Variants in NUP214 observed in about 807,000 individuals in gnomAD.
NUP214 encodes the protein nucleoporin 214.
In NUP214, 79 loss-of-function variants were observed where a neutral mutation model predicts 196.2. The ratio of observed to expected loss-of-function variants is 0.40; its 90% CI spans 0.34 to 0.49. The LOEUF (loss-of-function observed/expected upper bound fraction) is 0.49, where lower values mean the gene tolerates loss of function less well. NUP214 is among the 20% of genes least tolerant of loss of function. The probability of loss-of-function intolerance (pLI) is 0.58; values close to 1 mark genes in which losing one functional copy is unlikely to be tolerated. For synonymous variants in NUP214, 1,020 were observed against 990.5 expected (o/e 1.03, Z -0.56); for missense variants, 2,468 against 2,539.0 (o/e 0.97, Z 0.60).
At chr9:131,135,164 A>C in intron 8 of NUP214, 160 bp downstream of exon 8, 9 of 551,798 alleles carry the variant, frequency 1.6e-5, no homozygotes, top group Non-Finnish European at 1.9e-5. Flanking sequence ...ATTGTAGCTC[A>C]CAGAAGCCTG....
At chr9:131,130,308 T>A (rs1831509350) in intron 4 of NUP214, among the ~76,000 whole-genome samples, 2 of 151,830 alleles carry the variant, frequency 1.3e-5, no homozygotes, top group South Asian at 4.2e-4. Context: ...CATGCCCAGC[T>A]AATTTTTGTA....
At chr9:131,126,852 A>G (rs994746687) in intron 1 of NUP214, 1 of 152,168 alleles carries the variant, frequency 6.6e-6, no homozygotes, top group African/African-American at 2.4e-5. Context: ...GCTGTCCTAG[A>G]ATAGTGATTA....
chr9:131,218,738 C>T (rs999126458), intron 31 of NUP214, among the ~76,000 whole-genome samples: 3 of 152,128 alleles, frequency 2.0e-5, no homozygotes, highest in Admixed American at 2.0e-4. Flanking sequence ...CCTACTCAAA[C>T]CCTTGGGCAA....
rs773725168 is a variant in NUP214, at chr9:131,125,971, C to T, written c.45+222C>T. 34 of 584,288 alleles carry T rather than the reference C, an allele frequency of 5.8e-5. No individual in the cohort carries two copies. The highest frequency in any genetic ancestry group is 4.8e-5 in the Non-Finnish European group (16 of 333,476). The allele number at this position is 584,288 out of a possible 1,614,324, so 36.2% of individuals were successfully genotyped here. ...TCTCGTGCACGGCTGTTGAGTTACC[C>T]TAGCTACTTCCTGGGGCGGTCACAA... On this transcript the variant is annotated intron_variant, in intron 1 of 35. Transcript: ENST00000359428. This position sits in a 1 kb window ranked among gnomAD's most constrained non-coding sequence, Gnocchi z 4.1.
In NUP214 at chr9:131,150,680, T is replaced by C. The variant is rs1322133393; in HGVS notation, c.2192T>C (p.Val731Ala). ...KARTSKACFQ[V>A]GTSEEMKMLR... Reference sequence around the variant, plus strand: ...CGAACTTCCAAAGCCTGTTTCCAAGTGGGCACTTCTGAGGAGATGAAGATG... The same window carrying C: ...CGAACTTCCAAAGCCTGTTTCCAAGCGGGCACTTCTGAGGAGATGAAGATG... The change falls in exon 16 of 36, where the codon GTG becomes GCG. Residue 731 changes from valine to alanine, a missense_variant. By Grantham distance (64) the Val-to-Ala change is moderately conservative. Transcript: ENST00000359428. 3.1e-6 allele frequency: 5 copies of C among 1,614,092 alleles called. No individual in the cohort carries two copies. In the African/African-American group the frequency reaches 6.7e-5, roughly 22 times the overall value.
At chr9:131,195,081 T>G in intron 27 of NUP214, 152 bp from the exon 28 acceptor site, 23 of 592,496 alleles carry the variant, frequency 3.9e-5, no homozygotes, top group Middle Eastern at 4.3e-4. Flanking sequence ...TTACTGCTTC[T>G]GAGATAGGTG....
chr9:131,164,429 G>A, intron 21 of NUP214: 1 of 383,682 alleles, frequency 2.6e-6, no homozygotes, highest in Non-Finnish European at 4.7e-6. Context: ...TTATGGCACT[G>A]ATTCACAAGG....
In NUP214 at chr9:131,136,025, A is replaced by G. The variant is rs1831716798; in HGVS notation, c.1005+19A>G. 1 of 1,582,400 alleles carries G rather than the reference A, an allele frequency of 6.3e-7. No homozygotes were observed. The highest frequency in any genetic ancestry group is 1.7e-5 in the Admixed American group (1 of 59,198). On this transcript the variant is annotated intron_variant, in intron 9 of 35. Transcript: ENST00000359428. Reference sequence around the variant, plus strand: ...TGATCAGGTAAATCTCTTTTTTGTCACTTCTGTGGTGCTTTCTTTTTTAAA... The same window carrying G: ...TGATCAGGTAAATCTCTTTTTTGTCGCTTCTGTGGTGCTTTCTTTTTTAAA...
chr9:131,159,362 C>G, intron 17 of NUP214, 21 bp from the exon 18 acceptor site: 1 of 1,583,676 alleles, frequency 6.3e-7, no homozygotes, highest in Non-Finnish European at 8.6e-7. Flanking sequence ...AGTTATTTGC[C>G]TTTTAATTTT....
chr9:131,156,010 G>A (rs1832425337), intron 17 of NUP214, among the ~76,000 whole-genome samples: 2 of 151,904 alleles, frequency 1.3e-5, no homozygotes, highest in African/African-American at 2.4e-5. Context: ...TTCTAGTTCT[G>A]TGAAGAATGA....
intron 34 of NUP214, among the ~76,000 whole-genome samples, chr9:131,231,787 G>A (rs926122172): frequency 2.0e-5 from 3 of 151,502 alleles, no homozygotes; most frequent in African/African-American, 7.3e-5. Flanking sequence ...TACCCGTGAA[G>A]AAACAGAAAC....
intron 21 of NUP214, among the ~76,000 whole-genome samples, chr9:131,171,707 C>G (rs1173438044): frequency 1.2e-4 from 19 of 152,106 alleles, no homozygotes; most frequent in Admixed American, 1.2e-3. Context: ...TCCCTCCTCC[C>G]CGCACCCCAC....
chr9:131,198,912 T>G lies in NUP214; in HGVS notation c.5418T>G (p.Phe1806Leu). ...GLFGQSNAPA[F>L]GQSPGFGQGG... ...TTGGCCAAAGCAACGCTCCTGCTTT[T>G]GGGCAGAGTCCTGGCTTTGGACAGG... The change falls in exon 29 of 36, where the codon TTT becomes TTG. Residue 1806 changes from phenylalanine (F) to leucine (L), a missense_variant. Physicochemically the swap from Phe to Leu is conservative, Grantham distance 22 (BLOSUM62 0). Transcript: ENST00000359428. The G allele has an allele frequency of 6.2e-7, 1 of 1,614,182 alleles. No homozygotes were observed. The highest frequency in any genetic ancestry group is 2.2e-5 in the East Asian group (1 of 44,892).
intron 9 of NUP214, among the ~76,000 whole-genome samples, chr9:131,137,637 G>A (rs1477625203): frequency 2.2e-5 from 3 of 136,874 alleles, no homozygotes; most frequent in Admixed American, 8.3e-5. Flanking sequence ...TGCAACCTCC[G>A]CCTCCCTGGT....
chr9:131,154,164 A>G (rs1236940236), intron 17 of NUP214, among the ~76,000 whole-genome samples: 1 of 152,200 alleles, frequency 6.6e-6, no homozygotes, highest in Non-Finnish European at 1.5e-5. Context: ...GGCTCTTTTA[A>G]AATTACATTT....
chr9:131,149,587 G>C (rs1042384401), intron 14 of NUP214, among the ~76,000 whole-genome samples: 6 of 151,834 alleles, frequency 4.0e-5, no homozygotes, highest in Non-Finnish European at 8.8e-5. Context: ...GTGTCAAGCT[G>C]TTGCACCTCT....
At chr9:131,132,835 C>CT (rs1554728415) in intron 6 of NUP214, 176 bp downstream of exon 6, 3 of 634,240 alleles carry the variant, frequency 4.7e-6, no homozygotes, top group Non-Finnish European at 8.3e-6. Flanking sequence ...TGGGTGACAT[C>CT]TGTGTTTCAC....
rs1833098855 is a variant in NUP214 at position 131,175,811 on chromosome 9, CT to C, written c.3319+194del. 3 of 826,070 alleles carry C rather than the reference CT, an allele frequency of 3.6e-6. No homozygotes were observed. The South Asian group carries it at 9.8e-5, about 27-fold the overall frequency. 51.2% of individuals were successfully genotyped at this position (826,070 alleles called of 1,614,324 possible). On this transcript the variant is annotated intron_variant, in intron 23 of 35. Transcript: ENST00000359428. ...CAGAGACTAGGTCTGAAAATCTTTG[CT>C]TTTAAGGGGAGGGATTAGAACTGCC...
chr9:131,142,985 G>C (rs1831967734), intron 11 of NUP214, among the ~76,000 whole-genome samples: 1 of 152,070 alleles, frequency 6.6e-6, no homozygotes, highest in South Asian at 2.1e-4. Context: ...TTTACCTTAT[G>C]GAAAGTTTGG....
Sources: gnomAD v4.1 joint callset for allele counts (sites outside exome capture counted in the v4.1 genomes callset) on GRCh38, gnomAD v4.1.1 for gene constraint, Gnocchi (gnomAD v3.1) non-coding constraint, MANE v1.5 for transcripts, NCBI Gene and HGNC (gene_info 2026-07-23, HGNC 2026-07-21) for gene names.